Variants in TMTC2 observed in about 807,000 individuals in gnomAD.
TMTC2 encodes the protein protein O-mannosyl-transferase TMTC2.
A neutral mutation model predicts 82.4 loss-of-function variants in TMTC2; 43 were observed. That is an observed-to-expected ratio of 0.52 (90% confidence interval 0.41 to 0.67). TMTC2 has a LOEUF of 0.67. Among genes scored for constraint, TMTC2 ranks in the 30% least tolerant of loss-of-function variants. The pLI, the probability that TMTC2 is intolerant of heterozygous loss-of-function variation, is 0.00. For missense variants in TMTC2, 919 were observed against 1,012.4 expected, an observed-to-expected ratio of 0.91 and a Z score of 1.25; for synonymous variants, 408 against 381.9, an observed-to-expected ratio of 1.07 and a Z score of -0.80.
chr12:82,894,565 T>C (rs1283621032), intron 2 of TMTC2, among the ~76,000 whole-genome samples: 1 of 152,186 alleles, frequency 6.6e-6, no homozygotes, highest in African/African-American at 2.4e-5. Context: ...AACGCCAGGA[T>C]GTTTGCTGTA....
At chr12:82,897,301 G>A (rs1873736163) in intron 3 of TMTC2, among the ~76,000 whole-genome samples, 2 of 152,162 alleles carry the variant, frequency 1.3e-5, no homozygotes, top group South Asian at 4.1e-4. Context: ...TACCATTCAT[G>A]ATTGCTTTAG....
intron 3 of TMTC2, among the ~76,000 whole-genome samples, chr12:82,905,406 CTA>C (rs1259284818): frequency 6.6e-6 from 1 of 152,092 alleles, no homozygotes; most frequent in Admixed American, 6.6e-5. Flanking sequence ...AAAAATATGA[CTA>C]TGGTGGTTAA....
intron 4 of TMTC2, among the ~76,000 whole-genome samples, chr12:82,936,344 T>TA (rs1876317234): frequency 6.6e-6 from 1 of 151,956 alleles, no homozygotes; most frequent in South Asian, 2.1e-4. Context: ...TGAAGCTAGA[T>TA]AAAACTGATT....
intron 1 of TMTC2, among the ~76,000 whole-genome samples, chr12:82,800,460 C>T (rs1409464254): frequency 6.6e-6 from 1 of 152,164 alleles, no homozygotes. Context: ...CCCAGCTGGA[C>T]ACCAGACTGC....
intron 2 of TMTC2, among the ~76,000 whole-genome samples, chr12:82,859,828 A>C (rs990506989): frequency 1.3e-5 from 2 of 152,180 alleles, no homozygotes; most frequent in African/African-American, 4.8e-5. Flanking sequence ...GGGCTAGGCA[A>C]TGGCAGCAGC....
intron 1 of TMTC2, among the ~76,000 whole-genome samples, chr12:82,753,225 A>G (rs945753877): frequency 2.0e-5 from 3 of 151,828 alleles, no homozygotes; most frequent in African/African-American, 7.3e-5. Context: ...TCCGTAGGTG[A>G]GCTGTGTAAA....
At chr12:82,687,934 G>T (rs1357854909) in intron 1 of TMTC2, among the ~76,000 whole-genome samples, 1 of 152,118 alleles carries the variant, frequency 6.6e-6, no homozygotes, top group African/African-American at 2.4e-5. Flanking sequence ...GTTTCTTAGC[G>T]GAAATCCCGG....
intron 11 of TMTC2, among the ~76,000 whole-genome samples, chr12:83,072,507 T>A (rs1221956300): frequency 6.6e-6 from 1 of 152,186 alleles, no homozygotes; most frequent in Admixed American, 6.5e-5. Context: ...TCTGTATATA[T>A]CTGTTAAGTC....
At chr12:83,053,319 G>C (rs1882421610) in intron 10 of TMTC2, among the ~76,000 whole-genome samples, 4 of 152,182 alleles carry the variant, frequency 2.6e-5, no homozygotes, top group African/African-American at 9.6e-5. Flanking sequence ...TGACCATTTG[G>C]GTGTGAGAGA....
chr12:83,077,135 A>G (rs1883306806), intron 11 of TMTC2, among the ~76,000 whole-genome samples: 1 of 152,204 alleles, frequency 6.6e-6, no homozygotes, highest in African/African-American at 2.4e-5. Flanking sequence ...AGAGTTCAGA[A>G]AATGCTACCC....
chr12:82,856,873 G>T (rs1017882617), intron 1 of TMTC2, 137 bp from the exon 2 acceptor site: 3 of 824,060 alleles, frequency 3.6e-6, no homozygotes, highest in Non-Finnish European at 5.6e-6. Context: ...CATGAATTCA[G>T]CTTATATGTG....
chr12:82,962,913 G>C (rs1047222668), intron 4 of TMTC2, among the ~76,000 whole-genome samples: 1 of 151,950 alleles, frequency 6.6e-6, no homozygotes, highest in Non-Finnish European at 1.5e-5. Flanking sequence ...TTCTGTGTAG[G>C]AGGGTCTCAA....
chr12:83,058,368 G>C (rs559482534), intron 10 of TMTC2, among the ~76,000 whole-genome samples: 2 of 151,934 alleles, frequency 1.3e-5, no homozygotes, highest in Non-Finnish European at 2.9e-5. Context: ...TCACTCCAGT[G>C]ATTTCTTGGG....
At chr12:82,701,908 A>G (rs1873102980) in intron 1 of TMTC2, among the ~76,000 whole-genome samples, 2 of 152,042 alleles carry the variant, frequency 1.3e-5, no homozygotes, top group East Asian at 1.9e-4. Context: ...CTTCACCCCC[A>G]TTTCCTTGAA....
intron 1 of TMTC2, among the ~76,000 whole-genome samples, chr12:82,749,255 C>T (rs1315054803): frequency 6.6e-6 from 1 of 152,140 alleles, no homozygotes; most frequent in Non-Finnish European, 1.5e-5. Context: ...CACACGTTAC[C>T]CAGAATCACA....
chr12:82,806,738 G>A (rs1179975143), intron 1 of TMTC2, among the ~76,000 whole-genome samples: 1 of 152,070 alleles, frequency 6.6e-6, no homozygotes, highest in Non-Finnish European at 1.5e-5. Flanking sequence ...TCATTAAATA[G>A]AAGTGGATCG....
At chr12:82,961,397 G>A (rs1180349199) in intron 4 of TMTC2, among the ~76,000 whole-genome samples, 1 of 151,882 alleles carries the variant, frequency 6.6e-6, no homozygotes, top group Non-Finnish European at 1.5e-5. Context: ...CTCCTTTTCA[G>A]TGTATCAACA....
chr12:82,876,020 A>ATGGTGATGGTGATTAGTATTCATAATG (rs1872471891), intron 2 of TMTC2, among the ~76,000 whole-genome samples: 1 of 75,634 alleles, frequency 1.3e-5, no homozygotes. Flanking sequence ...TAATGGTAGT[A>ATGGTGATGGTGATTAGTATTCATAATG]GTGGTGGCGG....
intron 9 of TMTC2, among the ~76,000 whole-genome samples, chr12:83,046,668 G>C (rs1882149440): frequency 6.6e-6 from 1 of 152,098 alleles, no homozygotes; most frequent in Admixed American, 6.6e-5. Flanking sequence ...TCTCTGTCTT[G>C]ATGGGCTTAA....
Sources: gnomAD v4.1 joint callset for allele counts (sites outside exome capture counted in the v4.1 genomes callset) on GRCh38, gnomAD v4.1.1 for gene constraint, MANE v1.5 for transcripts, NCBI Gene and HGNC (gene_info 2026-07-23, HGNC 2026-07-21) for gene names.